The following WIPF2 variants were observed in gnomAD, a reference collection of about 807,000 sequenced individuals.
WIPF2 encodes WAS/WASL-interacting protein family member 2.
WIPF2 carries 23 observed loss-of-function variants against 38.8 expected under a neutral mutation model. That is an observed-to-expected ratio of 0.59 (90% CI 0.43 to 0.84). The LOEUF (loss-of-function observed/expected upper bound fraction) is 0.84. Among genes scored for constraint, WIPF2 ranks in the 40% least tolerant of loss-of-function variants. The pLI, the probability that WIPF2 is intolerant of heterozygous loss-of-function variation, is 0.00. For synonymous variants in WIPF2, 210 were observed against 223.2 expected (o/e 0.94, Z 0.53); for missense variants, 574 against 580.5 (o/e 0.99, Z 0.11).
intron 4 of WIPF2, among the ~76,000 whole-genome samples, chr17:40,263,871 T>TA (rs1033996839): frequency 1.3e-5 from 2 of 151,518 alleles, no homozygotes; most frequent in African/African-American, 4.8e-5. Flanking sequence ...TTTTCACCAT[T>TA]AAAAAAAATA....
At chr17:40,255,528 T>G (rs1380290541) in intron 1 of WIPF2, among the ~76,000 whole-genome samples, 1 of 151,854 alleles carries the variant, frequency 6.6e-6, no homozygotes, top group Non-Finnish European at 1.5e-5. Context: ...TTTCTCCATG[T>G]TGGTCAGGCT....
intron 1 of WIPF2, chr17:40,220,631 A>ATATATATATATATATATTTT (rs1567705944): frequency 8.1e-6 from 1 of 123,990 alleles, no homozygotes; most frequent in African/African-American, 3.2e-5. Flanking sequence ...ATATATATAT[A>ATATATATATATATATATTTT]TTTTTTTGTT....
chr17:40,277,233 A>G (rs773966041), intron 7 of WIPF2, 49 bp downstream of exon 7: 5 of 1,477,548 alleles, frequency 3.4e-6, no homozygotes, highest in Admixed American at 3.7e-5. Flanking sequence ...AGAATGTAGA[A>G]TCTGTGCATT....
chr17:40,246,622 C>A (rs1022054984), intron 1 of WIPF2, among the ~76,000 whole-genome samples: 3 of 151,568 alleles, frequency 2.0e-5, no homozygotes, highest in African/African-American at 7.3e-5. Flanking sequence ...GTCTTGAACT[C>A]CTGACCTCAA....
chr17:40,266,827 C>T (rs1475938094), intron 5 of WIPF2, among the ~76,000 whole-genome samples: 1 of 151,984 alleles, frequency 6.6e-6, no homozygotes, highest in East Asian at 1.9e-4. Flanking sequence ...AGAATGTGAT[C>T]GATAGATAAA....
intron 1 of WIPF2, among the ~76,000 whole-genome samples, chr17:40,237,553 T>G (rs897994114): frequency 6.6e-6 from 1 of 152,058 alleles, no homozygotes; most frequent in Non-Finnish European, 1.5e-5. Context: ...TAATTTTTTT[T>G]TCCTTCATTC....
chr17:40,273,915 A>G lies in WIPF2; in HGVS notation c.1096A>G (p.Thr366Ala), dbSNP rs1278037969. ...RGKPPPPPSR[T>A]PAGPPPPPPP... is the part of the protein sequence containing the mutation. ...AAAGCCCCCACCTCCACCCTCAAGG[A>G]CGCCAGCTGGGCCACCCCCTCCTCC... is the stretch of plus-strand genomic sequence containing the variant. The change falls in exon 6 of 8, where the codon ACG (threonine) becomes GCG (alanine). Residue 366 changes from threonine to alanine, a missense_variant. Physicochemically the swap from Thr to Ala is moderately conservative, Grantham distance 58 (BLOSUM62 0). Coordinates refer to ENST00000323571, the MANE Select transcript of WIPF2 (RefSeq NM_133264.5). 1 of 1,564,024 alleles carries G rather than the reference A, an allele frequency of 6.4e-7. No individual in the cohort carries two copies. Among genetic ancestry groups the G allele is most frequent in the African/African-American group, 1.4e-5 (1 of 71,302 alleles).
At position 40,264,717 on chromosome 17, in the gene WIPF2, C is replaced by T; in HGVS notation, c.541C>T (p.Pro181Ser). ...KHSSSAPPPP[P>S]PGRRANAPPT... is the part of the protein sequence containing the mutation. ...CAGCTCCTCTGCCCCTCCCCCACCA[C>T]CCCCAGGGCGGCGTGCCAACGCACC... Residue 181 changes from proline to serine, a missense_variant, in exon 5 of 8, where the codon CCC becomes TCC. Physicochemically the swap from Pro to Ser is moderately conservative, Grantham distance 74. Transcript: ENST00000323571. 1 of 1,610,756 alleles carries T rather than the reference C, an allele frequency of 6.2e-7. No individual in the cohort carries two copies. Among genetic ancestry groups the T allele is most frequent in the Non-Finnish European group, 8.5e-7 (1 of 1,178,474 alleles).
intron 1 of WIPF2, among the ~76,000 whole-genome samples, chr17:40,233,430 A>G (rs1025504444): frequency 6.6e-6 from 1 of 150,686 alleles, no homozygotes; most frequent in Non-Finnish European, 1.5e-5. Flanking sequence ...CACTTTTGCA[A>G]TTTTTTTTCC....
chr17:40,283,982 T>G lies in WIPF2; in HGVS notation c.*5757T>G, dbSNP rs2032607436. Reference sequence around the variant, plus strand: ...GTGTATGAATCACTCTCACATAATTTAGATATAAAAACCTATGAGGATGAG... The same window carrying G: ...GTGTATGAATCACTCTCACATAATTGAGATATAAAAACCTATGAGGATGAG... On this transcript the variant is annotated 3_prime_UTR_variant, in exon 8 of 8. Transcript: ENST00000323571. The G allele has an allele frequency of 2.0e-5, 3 of 152,126 alleles. No homozygotes were observed. The South Asian group carries it at 6.2e-4, about 32-fold the overall frequency. 9.4% of individuals were successfully genotyped at this position (152,126 alleles called of 1,614,324 possible).
At chr17:40,243,325 A>G (rs1233173205) in intron 1 of WIPF2, among the ~76,000 whole-genome samples, 1 of 152,176 alleles carries the variant, frequency 6.6e-6, no homozygotes, top group African/African-American at 2.4e-5. Flanking sequence ...TTTAAAAAAA[A>G]TCTGGGGGAA....
At chr17:40,262,437 C>T in intron 3 of WIPF2, 88 bp from the exon 4 acceptor site, 1 of 1,041,278 alleles carries the variant, frequency 9.6e-7, no homozygotes, top group Non-Finnish European at 1.5e-6. Flanking sequence ...AAGCGATAGC[C>T]CAGATAGAGG....
intron 7 of WIPF2, among the ~76,000 whole-genome samples, chr17:40,277,723 CTTTTT>C (rs528401568): frequency 3.6e-4 from 35 of 97,612 alleles, no homozygotes; most frequent in African/African-American, 1.5e-3. Context: ...CTTCGTTGTC[CTTTTT>C]TTTTTTTTTT....
Position 40,278,530 on chromosome 17 carries a change from C to G in WIPF2, c.*305C>G. 1 of 394,228 alleles carries G rather than the reference C, an allele frequency of 2.5e-6. No individual in the cohort carries two copies. Among genetic ancestry groups the G allele is most frequent in the Non-Finnish European group, 4.6e-6 (1 of 215,064 alleles). 24.4% of individuals were successfully genotyped at this position (394,228 alleles called of 1,614,324 possible). A position where few individuals can be genotyped will look rare whatever the true frequency, so the allele number is the denominator to read the frequency against. ...CTGCCTTCCTCTTGGGGAAAGGTGCCTTGTTGTGATGAATTAACTCACTGT... is the reference window on the plus strand; with the variant it reads ...CTGCCTTCCTCTTGGGGAAAGGTGCGTTGTTGTGATGAATTAACTCACTGT... On this transcript the variant is annotated 3_prime_UTR_variant, in exon 8 of 8. Transcript: ENST00000323571.
Position 40,278,508 on chromosome 17 carries a change from C to T in WIPF2, c.*283C>T. 2.3e-6 allele frequency: 1 copy of T among 444,096 alleles called. No individual in the cohort carries two copies. Among genetic ancestry groups the T allele is most frequent in the Non-Finnish European group, 4.1e-6 (1 of 245,730 alleles). The allele number at this position is 444,096 out of a possible 1,614,324, so 27.5% of individuals were successfully genotyped here. On this transcript the variant is annotated 3_prime_UTR_variant, in exon 8 of 8. Transcript: ENST00000323571. ...GAGGAACAAGTTTCCGTGTCTTCTGCCTTCCTCTTGGGGAAAGGTGCCTTG... is the reference window on the plus strand; with the variant it reads ...GAGGAACAAGTTTCCGTGTCTTCTGTCTTCCTCTTGGGGAAAGGTGCCTTG...
chr17:40,278,165 T>G lies in WIPF2; in HGVS notation c.1283-20T>G, dbSNP rs2032464674. ...GTGGGTGACCTGTATGTGTGTGGTC[T>G]TTATTTTGTTTTTTTTCAGCTGCCC... On this transcript the variant is annotated intron_variant, in intron 7 of 7. Transcript: ENST00000323571. 6.2e-7 allele frequency: 1 copy of G among 1,610,120 alleles called. No individual in the cohort carries two copies. Among genetic ancestry groups the G allele is most frequent in the Non-Finnish European group, 8.5e-7 (1 of 1,178,194 alleles).
chr17:40,260,416 ACTTCAAGTGATCCACCTGC>A, intron 2 of WIPF2, 100 bp from the exon 3 acceptor site: 2 of 1,224,466 alleles, frequency 1.6e-6, no homozygotes, highest in Non-Finnish European at 2.3e-6. Flanking sequence ...GGAACTCCTG[ACTTCAAGTGATCCACCTGC>A]CTTGGCCTCC....
chr17:40,230,562 CTTGG>C (rs1567709629), intron 1 of WIPF2, among the ~76,000 whole-genome samples: 1 of 152,048 alleles, frequency 6.6e-6, no homozygotes, highest in Non-Finnish European at 1.5e-5. Context: ...GCAAATCAAA[CTTGG>C]TTGGCTGGAT....
intron 2 of WIPF2, among the ~76,000 whole-genome samples, chr17:40,257,438 A>G (rs796240432): frequency 5.3e-5 from 8 of 152,278 alleles, no homozygotes; most frequent in African/African-American, 1.9e-4. Context: ...ATAATAGGAA[A>G]AAAAGCAATG....
Sources: gnomAD v4.1 joint callset for allele counts (sites outside exome capture counted in the v4.1 genomes callset) on GRCh38, gnomAD v4.1.1 for gene constraint, MANE v1.5 for transcripts, NCBI Gene and HGNC (gene_info 2026-07-23, HGNC 2026-07-21) for gene names.